GPM6B: variants seen among roughly 807,000 people sequenced by gnomAD.
The protein encoded by GPM6B is glycoprotein M6B.
A neutral mutation model predicts 27.2 loss-of-function variants in GPM6B; 4 were observed. The observed-to-expected ratio is 0.15, with a 90% CI of 0.07 to 0.34. The LOEUF (loss-of-function observed/expected upper bound fraction) is 0.34, where lower values mean the gene tolerates loss of function less well. Among genes scored for constraint, GPM6B ranks in the 10% least tolerant of loss-of-function variants. GPM6B has a pLI of 1.00. For missense variants in GPM6B, 183 were observed against 261.9 expected (o/e 0.70, Z 2.08); for synonymous variants, 124 against 103.1 (o/e 1.20, Z -1.23).
intron 1 of GPM6B, among the ~76,000 whole-genome samples, chrX:13,862,108 C>G (rs1005039852): frequency 9.0e-6 from 1 of 110,951 alleles, no homozygotes; most frequent in Non-Finnish European, 1.9e-5. Flanking sequence ...GGATTAAGTT[C>G]TTAAGTCAGT....
At chrX:13,817,422 G>T, upstream of GPM6B, 1 of 706,986 alleles carries the variant, frequency 1.4e-6, no homozygotes, top group Non-Finnish European at 1.7e-6. Flanking sequence ...GGATGTGAAG[G>T]AGAAAGAAAA....
chrX:13,900,934 G>C (rs957575111), intron 1 of GPM6B, among the ~76,000 whole-genome samples: 1 of 111,776 alleles, frequency 8.9e-6, no homozygotes, highest in African/African-American at 3.3e-5. Context: ...GGTGAACGCA[G>C]GAGGAAGCTG....
intron 2 of GPM6B, among the ~76,000 whole-genome samples, chrX:13,796,884 T>C (rs1569207732): frequency 8.9e-6 from 1 of 112,298 alleles, no homozygotes; most frequent in Non-Finnish European, 1.9e-5. Context: ...CTTGTTAGTC[T>C]CTTCCTTTGC....
At position 13,772,234 on chromosome X, in the gene GPM6B, C is replaced by G. The variant is rs1012006715; in HGVS notation, c.*647G>C. 8.9e-6 allele frequency: 1 copy of G among 112,023 alleles called. No homozygotes were observed. The highest frequency in any genetic ancestry group is 3.3e-5 in the African/African-American group (1 of 30,707). The allele number at this position is 112,023 out of a possible 1,213,427, so 9.2% of individuals were successfully genotyped here. A position where few individuals can be genotyped will look rare whatever the true frequency, so the allele number is the denominator to read the frequency against. ...TGTCAGTGAGTCCAGCATCCAGATT[C>G]TTTAATAGTAGGGTCAGCAGAATTG... On this transcript the variant is annotated 3_prime_UTR_variant, in exon 8 of 8. Transcript: ENST00000316715.
intron 1 of GPM6B, among the ~76,000 whole-genome samples, chrX:13,810,823 C>G (rs2049117808): frequency 9.1e-6 from 1 of 109,869 alleles, no homozygotes; most frequent in Admixed American, 9.7e-5. Flanking sequence ...TGTTCCAAAT[C>G]CCCTGGACTT....
intron 1 of GPM6B, among the ~76,000 whole-genome samples, chrX:13,875,465 T>C (rs2050023766): frequency 2.7e-5 from 3 of 111,347 alleles, no homozygotes; most frequent in African/African-American, 9.8e-5. Context: ...GCCGCACGGG[T>C]AGCTCCTCAA....
intron 2 of GPM6B, among the ~76,000 whole-genome samples, chrX:13,796,284 G>A (rs769654216): frequency 9.0e-6 from 1 of 111,659 alleles, no homozygotes; most frequent in African/African-American, 3.3e-5. Flanking sequence ...GACCAGGCTG[G>A]TTTTGAACTC....
intron 1 of GPM6B, among the ~76,000 whole-genome samples, chrX:13,867,118 T>TTTTTGC (rs1168959579): frequency 4.9e-4 from 3 of 6,079 alleles, no homozygotes; most frequent in Non-Finnish European, 9.7e-4. Context: ...GAGGCATTTA[T>TTTTTGC]TTTTGTTTTG....
intron 1 of GPM6B, among the ~76,000 whole-genome samples, chrX:13,827,438 C>A (rs1348838082): frequency 9.1e-6 from 1 of 109,669 alleles, no homozygotes. Context: ...GTGACCACGC[C>A]CAGCCCATTT....
At chrX:13,857,801 C>A (rs1383406143) in intron 1 of GPM6B, among the ~76,000 whole-genome samples, 3 of 112,663 alleles carry the variant, frequency 2.7e-5, no homozygotes, top group Non-Finnish European at 3.8e-5. Context: ...TGCTAGGGTA[C>A]AACAAGATAC....
In GPM6B at chrX:13,778,526, C is replaced by A. The variant is rs1005269292; in HGVS notation, c.698-1101G>T. 3.6e-5 allele frequency among the ~76,000 whole-genome samples: 4 copies of A among 111,248 alleles called. 1 individual carries two copies. The highest frequency in any genetic ancestry group is 5.7e-5 in the Non-Finnish European group (3 of 52,949). ...GTTTGTGCTTAAATATTAAACACTCCTAGGAGGTTAAGGAAAGGAGTATTA... is the reference window on the plus strand; with the variant it reads ...GTTTGTGCTTAAATATTAAACACTCATAGGAGGTTAAGGAAAGGAGTATTA... On this transcript the variant is annotated intron_variant, in intron 5 of 7. Coordinates refer to ENST00000316715, the MANE Select transcript of GPM6B (RefSeq NM_001001995.3).
At chrX:13,878,311 T>C (rs1316830652) in intron 1 of GPM6B, among the ~76,000 whole-genome samples, 1 of 109,685 alleles carries the variant, frequency 9.1e-6, no homozygotes, top group Non-Finnish European at 1.9e-5. Flanking sequence ...CTCTAATTAT[T>C]CCTATCAGCA....
At chrX:13,936,450 C>T (rs1208434168) in intron 1 of GPM6B, among the ~76,000 whole-genome samples, 4 of 111,825 alleles carry the variant, frequency 3.6e-5, no homozygotes, top group African/African-American at 1.3e-4. Context: ...ACTTAATGGG[C>T]CAATGGTCAG....
chrX:13,932,490 T>G (rs1921623478), intron 1 of GPM6B, among the ~76,000 whole-genome samples: 1 of 111,771 alleles, frequency 8.9e-6, no homozygotes, highest in Admixed American at 9.5e-5. Context: ...GAGAACAGAG[T>G]CTTGTTTATT....
chrX:13,794,870 T>C (rs1267762863), intron 2 of GPM6B, among the ~76,000 whole-genome samples: 1 of 112,128 alleles, frequency 8.9e-6, no homozygotes, highest in East Asian at 2.8e-4. Context: ...GAAACATTCT[T>C]ATGTAACTGA....
chrX:13,816,502 G>A (rs2049236601), intron 1 of GPM6B, among the ~76,000 whole-genome samples: 1 of 111,252 alleles, frequency 9.0e-6, no homozygotes, highest in Non-Finnish European at 1.9e-5. Context: ...CACATTCCAC[G>A]TTCCTGGAAT....
intron 2 of GPM6B, among the ~76,000 whole-genome samples, chrX:13,807,307 C>G (rs1262149036): frequency 9.0e-6 from 1 of 111,507 alleles, no homozygotes; most frequent in Non-Finnish European, 1.9e-5. Context: ...TGTGGGTGGC[C>G]CCCCTCCCCC....
chrX:13,912,277 G>A (rs1464061172), intron 1 of GPM6B, among the ~76,000 whole-genome samples: 1 of 112,092 alleles, frequency 8.9e-6, no homozygotes, highest in African/African-American at 3.2e-5. Context: ...GTTTCTCTAC[G>A]GATGTATATT....
At chrX:13,801,406 C>G (rs1413922557) in intron 2 of GPM6B, among the ~76,000 whole-genome samples, 2 of 112,062 alleles carry the variant, frequency 1.8e-5, no homozygotes, top group Non-Finnish European at 3.8e-5. Flanking sequence ...GAGTGCCGAG[C>G]AAAGTTTTTA....
Sources: gnomAD v4.1 joint callset for allele counts (sites outside exome capture counted in the v4.1 genomes callset) on GRCh38, gnomAD v4.1.1 for gene constraint, MANE v1.5 for transcripts, NCBI Gene and HGNC (gene_info 2026-07-23, HGNC 2026-07-21) for gene names.